Variants in LYPLAL1 observed in about 807,000 individuals in gnomAD.
LYPLAL1 encodes the protein lysophospholipase-like protein 1.
A neutral mutation model predicts 19.7 loss-of-function variants in LYPLAL1; 23 were observed. That is an observed-to-expected ratio of 1.17 (90% CI 0.84 to 1.65). The LOEUF (loss-of-function observed/expected upper bound fraction) is 1.65. LYPLAL1 is among the 40% of genes most tolerant of loss of function. LYPLAL1 has a pLI of 0.00. For missense variants in LYPLAL1, 355 were observed against 279.4 expected (o/e 1.27, Z -1.93); for synonymous variants, 119 against 96.3 (o/e 1.24, Z -1.38).
At chr1:219,375,188 C>A in the LYPLAL1 span, among the ~76,000 whole-genome samples, 25 of 152,020 alleles carry the variant, frequency 1.6e-4, no homozygotes, top group Non-Finnish European at 3.2e-4. Context: ...CAAAAGAGGC[C>A]GGGCATGGTG....
the LYPLAL1 span, among the ~76,000 whole-genome samples, chr1:219,378,565 G>A: frequency 1.3e-5 from 2 of 152,084 alleles, no homozygotes; most frequent in Admixed American, 1.3e-4. Context: ...GGTAGTGGAG[G>A]TGAGTAGGGA....
At chr1:219,216,804 A>G (rs1292700497), downstream of LYPLAL1, among the ~76,000 whole-genome samples, 1 of 151,934 alleles carries the variant, frequency 6.6e-6, no homozygotes, top group Non-Finnish European at 1.5e-5. Context: ...CTCCCTCCCC[A>G]GGCTGCAATC....
the LYPLAL1 span, among the ~76,000 whole-genome samples, chr1:219,220,678 G>A: frequency 1.4e-4 from 22 of 152,230 alleles, no homozygotes; most frequent in Middle Eastern, 6.8e-3. Flanking sequence ...TTCTGGAGTC[G>A]ATTTTTGAGG....
chr1:219,340,491 G>C, the LYPLAL1 span, among the ~76,000 whole-genome samples: 2 of 151,988 alleles, frequency 1.3e-5, no homozygotes, highest in East Asian at 1.9e-4. Flanking sequence ...GTGGGTGAGG[G>C]GAGGGGAAGT....
rs532995891 is a variant in LYPLAL1 at position 219,212,806 on chromosome 1, A to G, written c.*1078A>G. The G allele has an allele frequency of 7.9e-5, 12 of 152,148 alleles. No homozygotes were observed. In the South Asian group the frequency reaches 1.7e-3, roughly 21 times the overall value. 9.4% of individuals were successfully genotyped at this position (152,148 alleles called of 1,614,324 possible). ...TTGTTTACACATTCACCACTGATAT[A>G]TAAGTTGCTTCCAGTGTGAGGCTGT... On this transcript the variant is annotated 3_prime_UTR_variant, in exon 5 of 5. Transcript: ENST00000366928.
At chr1:219,243,123 T>C in the LYPLAL1 span, among the ~76,000 whole-genome samples, 3 of 152,320 alleles carry the variant, frequency 2.0e-5, no homozygotes, top group South Asian at 6.2e-4. Context: ...ACTCTACATT[T>C]ATGAATTTCC....
the LYPLAL1 span, among the ~76,000 whole-genome samples, chr1:219,420,321 G>C: frequency 3.3e-5 from 5 of 152,232 alleles, no homozygotes; most frequent in Admixed American, 6.5e-5. Context: ...GGATACTGCT[G>C]TGTGAGCCAA....
the LYPLAL1 span, among the ~76,000 whole-genome samples, chr1:219,275,470 G>A: frequency 6.9e-6 from 1 of 145,590 alleles, no homozygotes; most frequent in South Asian, 2.1e-4. Context: ...AGAAACAATA[G>A]ACTGTATTAT....
the LYPLAL1 span, among the ~76,000 whole-genome samples, chr1:219,377,345 G>T: frequency 1.3e-5 from 2 of 152,160 alleles, no homozygotes; most frequent in African/African-American, 4.8e-5. Flanking sequence ...AGTGAGGAAT[G>T]GGGAGTTAGT....
At chr1:219,222,031 C>G in the LYPLAL1 span, among the ~76,000 whole-genome samples, 1 of 152,062 alleles carries the variant, frequency 6.6e-6, no homozygotes. Context: ...TGCTAGAATC[C>G]AACAGAGCCA....
At chr1:219,278,743 C>G in the LYPLAL1 span, among the ~76,000 whole-genome samples, 1 of 152,108 alleles carries the variant, frequency 6.6e-6, no homozygotes, top group African/African-American at 2.4e-5. Flanking sequence ...GGCGGACACC[C>G]TGCCATCTTG....
chr1:219,387,794 CTTTG>C, the LYPLAL1 span, among the ~76,000 whole-genome samples: 10 of 152,098 alleles, frequency 6.6e-5, no homozygotes, highest in Admixed American at 5.9e-4. Flanking sequence ...GGTTTTCTTT[CTTTG>C]TTCTTCTAAC....
At chr1:219,205,245 T>TA (rs1203295954) in intron 3 of LYPLAL1, among the ~76,000 whole-genome samples, 2 of 150,796 alleles carry the variant, frequency 1.3e-5, no homozygotes, top group African/African-American at 4.9e-5. Context: ...TAGTCCCAGC[T>TA]ACTCGGGAGG....
At chr1:219,302,469 A>C in the LYPLAL1 span, among the ~76,000 whole-genome samples, 1 of 152,132 alleles carries the variant, frequency 6.6e-6, no homozygotes, top group Admixed American at 6.6e-5. Context: ...GGTGAGGTGT[A>C]GGAGGAGCAC....
the LYPLAL1 span, among the ~76,000 whole-genome samples, chr1:219,238,378 C>T: frequency 7.0e-6 from 1 of 141,978 alleles, no homozygotes; most frequent in Admixed American, 7.2e-5. Flanking sequence ...GTCTCTATCT[C>T]CTGACCTCGT....
At chr1:219,308,500 G>C in the LYPLAL1 span, among the ~76,000 whole-genome samples, 1 of 152,210 alleles carries the variant, frequency 6.6e-6, no homozygotes, top group African/African-American at 2.4e-5. Context: ...AGAGGTCTAG[G>C]AGGAAATAAT....
At chr1:219,326,514 T>C in the LYPLAL1 span, among the ~76,000 whole-genome samples, 83 of 152,288 alleles carry the variant, frequency 5.5e-4, no homozygotes, top group South Asian at 0.015. Flanking sequence ...TATTACTATA[T>C]AGGACATGAT....
chr1:219,228,656 A>C, the LYPLAL1 span, among the ~76,000 whole-genome samples: 1 of 152,002 alleles, frequency 6.6e-6, no homozygotes, highest in Non-Finnish European at 1.5e-5. Flanking sequence ...TACAATTATA[A>C]GCACTTTATT....
At chr1:219,185,802 G>A (rs1303492665) in intron 2 of LYPLAL1, among the ~76,000 whole-genome samples, 1 of 151,970 alleles carries the variant, frequency 6.6e-6, no homozygotes, top group African/African-American at 2.4e-5. Flanking sequence ...ACCTCACCAT[G>A]TAGTATCTTG....
Sources: gnomAD v4.1 joint callset for allele counts (sites outside exome capture counted in the v4.1 genomes callset) on GRCh38, gnomAD v4.1.1 for gene constraint, MANE v1.5 for transcripts, NCBI Gene and HGNC (gene_info 2026-07-23, HGNC 2026-07-21) for gene names.